MTMR10: variants seen among roughly 807,000 people sequenced by gnomAD.
The protein encoded by MTMR10 is myotubularin-related protein 10.
In MTMR10, 56 loss-of-function variants were observed where a neutral mutation model predicts 88.1. The ratio of observed to expected loss-of-function variants is 0.64; its 90% CI spans 0.51 to 0.79. The LOEUF (loss-of-function observed/expected upper bound fraction) is 0.79, where lower values mean the gene tolerates loss of function less well. MTMR10 is among the 30% of genes least tolerant of loss of function. The pLI, the probability that MTMR10 is intolerant of heterozygous loss-of-function variation, is 0.00. For missense variants in MTMR10, 883 were observed against 924.7 expected (o/e 0.95, Z 0.58); for synonymous variants, 380 against 340.9 (o/e 1.11, Z -1.26).
Position 30,958,854 on chromosome 15 carries a change from C to T in MTMR10, c.935+9G>A. ...CTATCTAAAGTGACAATGACCATTT[C>T]TCAATTACCTCTGGTCAATCTTCCT... On this transcript the variant is annotated intron_variant, in intron 9 of 15. Transcript: ENST00000435680. 6.2e-6 allele frequency: 10 copies of T among 1,612,652 alleles called. No homozygotes were observed. The highest frequency in any genetic ancestry group is 7.6e-6 in the Non-Finnish European group (9 of 1,178,688).
the MTMR10 span, chr15:30,928,372 T>A: frequency 7.7e-6 from 11 of 1,426,262 alleles, no homozygotes; most frequent in Non-Finnish European, 1.0e-5. Flanking sequence ...ATAAACAACA[T>A]ACTGTATAAA....
intron 15 of MTMR10, chr15:30,942,293 G>A: frequency 1.6e-6 from 1 of 612,718 alleles, no homozygotes; most frequent in Non-Finnish European, 2.8e-6. Context: ...CAGCCTGAAT[G>A]GGGGCGGGAT....
the MTMR10 span, among the ~76,000 whole-genome samples, chr15:30,932,079 G>A: frequency 5.9e-5 from 9 of 151,788 alleles, no homozygotes; most frequent in South Asian, 8.3e-4. Flanking sequence ...AAAATTAGCC[G>A]GGTGTGGTGG....
At chr15:30,934,042 T>G (rs1261804401), downstream of MTMR10, among the ~76,000 whole-genome samples, 2 of 152,148 alleles carry the variant, frequency 1.3e-5, no homozygotes, top group Non-Finnish European at 2.9e-5. Flanking sequence ...CCCAGCCAAT[T>G]TGTGTATTTC....
At chr15:30,925,174 G>C in the MTMR10 span, 2 of 1,613,860 alleles carry the variant, frequency 1.2e-6, no homozygotes, top group Admixed American at 3.3e-5. Context: ...AAGTCAGAAC[G>C]GGACACCGCC....
At chr15:30,942,396 G>A (rs1198562820) in intron 15 of MTMR10, 3 of 368,300 alleles carry the variant, frequency 8.1e-6, no homozygotes, top group Non-Finnish European at 1.5e-5. Context: ...CAAGAACAAT[G>A]GCAAACTGAA....
At chr15:30,943,786 G>A (rs1478152900) in intron 14 of MTMR10, 1 of 985,332 alleles carries the variant, frequency 1.0e-6, no homozygotes, top group East Asian at 1.1e-4. Flanking sequence ...ACCGCATTGT[G>A]AGGAAGACAT....
At position 30,943,025 on chromosome 15, in the gene MTMR10, T is replaced by A; in HGVS notation, c.1596A>T (p.Leu532Phe). ...KNIQLGDEKG[L>F]KFPSVWDWSL... ...ACCAGTCCCAAACAGAGGGGAATTT[T>A]AAGCCCTTCTCATCACCCAATTGGA... is the stretch of plus-strand genomic sequence containing the variant. The change falls in exon 15 of 16, where the codon TTA (leucine) becomes TTT (phenylalanine). Residue 532 changes from leucine to phenylalanine, a missense_variant. Around this residue, in one of 3 missense-constraint regions of MTMR10, gnomAD observed 343 missense variants for 323.2 expected, o/e 1.06. Coordinates refer to ENST00000435680, the MANE Select transcript of MTMR10 (RefSeq NM_017762.3). 6.4e-7 allele frequency: 1 copy of A among 1,550,666 alleles called. No homozygotes were observed. Among genetic ancestry groups the A allele is most frequent in the Non-Finnish European group, 8.7e-7 (1 of 1,146,754 alleles).
At chr15:30,955,509 AT>A (rs2063313102) in intron 9 of MTMR10, among the ~76,000 whole-genome samples, 1 of 152,050 alleles carries the variant, frequency 6.6e-6, no homozygotes, top group Admixed American at 6.5e-5. Context: ...TGACCTTGTG[AT>A]TCACCCCCCT....
chr15:30,931,506 A>C, the MTMR10 span, among the ~76,000 whole-genome samples: 1 of 152,226 alleles, frequency 6.6e-6, no homozygotes, highest in Non-Finnish European at 1.5e-5. Flanking sequence ...GCCTAATCCA[A>C]GGTCACAAAG....
At chr15:30,966,116 T>C (rs974530359) in intron 6 of MTMR10, 2 of 436,684 alleles carry the variant, frequency 4.6e-6, no homozygotes, top group Non-Finnish European at 9.3e-6. Flanking sequence ...AGTGTTATGT[T>C]TATGAGGTAC....
the MTMR10 span, among the ~76,000 whole-genome samples, chr15:30,924,432 C>A: frequency 6.6e-6 from 1 of 152,176 alleles, no homozygotes; most frequent in African/African-American, 2.4e-5. Flanking sequence ...GTGTTTACAC[C>A]AGTGTCACAT....
chr15:30,991,246 G>C (rs957726748), intron 1 of MTMR10: 21 of 520,736 alleles, frequency 4.0e-5, no homozygotes, highest in Non-Finnish European at 9.7e-6. Context: ...AATGGCTGCA[G>C]AAGAGTTTTA....
chr15:30,939,132 G>C lies in MTMR10; in HGVS notation c.*2338C>G, dbSNP rs568817900. The C allele has an allele frequency of 1.0e-6, 1 of 985,344 alleles. No homozygotes were observed. Among genetic ancestry groups the C allele is most frequent in the East Asian group, 1.1e-4 (1 of 8,820 alleles). The allele number at this position is 985,344 out of a possible 1,614,324, so 61.0% of individuals were successfully genotyped here. On this transcript the variant is annotated 3_prime_UTR_variant, in exon 16 of 16. Coordinates refer to ENST00000435680, the MANE Select transcript of MTMR10 (RefSeq NM_017762.3). ...GTTACTACTGCAGCAAGCAGATTTT[G>C]TTGACAAATGTGAACAGCTTTCACC...
the MTMR10 span, chr15:30,925,953 C>G: frequency 6.2e-7 from 1 of 1,613,492 alleles, no homozygotes; most frequent in African/African-American, 1.3e-5. Flanking sequence ...ACTGAGCAGG[C>G]TTTCTCTTGT....
the MTMR10 span, among the ~76,000 whole-genome samples, chr15:30,930,845 A>C: frequency 1.3e-5 from 2 of 152,202 alleles, no homozygotes; most frequent in African/African-American, 4.8e-5. Context: ...TCATCAGAGC[A>C]GGCGGGTGAG....
chr15:30,918,859 G>A, the MTMR10 span, among the ~76,000 whole-genome samples: 3 of 152,070 alleles, frequency 2.0e-5, no homozygotes, highest in African/African-American at 7.2e-5. Context: ...AAATCATTTA[G>A]GATATACAGT....
chr15:30,981,416 C>G (rs2030561042), intron 2 of MTMR10, among the ~76,000 whole-genome samples: 3 of 151,984 alleles, frequency 2.0e-5, no homozygotes, highest in Admixed American at 6.6e-5. Flanking sequence ...ATGTCTTGTG[C>G]CTGCTCACAT....
chr15:30,954,650 T>C (rs2063296831), intron 10 of MTMR10, 113 bp downstream of exon 10: 1 of 1,100,836 alleles, frequency 9.1e-7, no homozygotes, highest in African/African-American at 1.6e-5. Context: ...AATAGTTCCA[T>C]AGACTCCTTA....
Sources: gnomAD v4.1 joint callset for allele counts (sites outside exome capture counted in the v4.1 genomes callset) on GRCh38, gnomAD v4.1.1 for gene constraint, gnomAD v4.1.1 regional missense constraint, MANE v1.5 for transcripts, NCBI Gene and HGNC (gene_info 2026-07-23, HGNC 2026-07-21) for gene names.